The following ABLIM2 variants were observed in gnomAD, a reference collection of about 807,000 sequenced individuals.
The protein encoded by ABLIM2 is actin binding LIM protein family member 2.
Under a neutral mutation model 97.7 loss-of-function variants are expected in ABLIM2, and 53 were observed. The ratio of observed to expected loss-of-function variants is 0.54; its 90% confidence interval spans 0.44 to 0.68. ABLIM2 has a LOEUF of 0.68. Ranked by LOEUF, ABLIM2 falls within the 30% of genes least tolerant of loss-of-function variation. The pLI, the probability that ABLIM2 is intolerant of heterozygous loss-of-function variation, is 0.00. For synonymous variants in ABLIM2, 361 were observed against 345.8 expected, an observed-to-expected ratio of 1.04 and a Z score of -0.49; for missense variants, 835 against 867.2, an observed-to-expected ratio of 0.96 and a Z score of 0.47.
intron 20 of ABLIM2, among the ~76,000 whole-genome samples, chr4:7,976,841 A>G (rs1218299733): frequency 6.6e-6 from 1 of 152,166 alleles, no homozygotes; most frequent in Non-Finnish European, 1.5e-5. Flanking sequence ...ACACATGCAC[A>G]CACATATACA....
chr4:8,077,641 C>T lies in ABLIM2; in HGVS notation c.662G>A (p.Gly221Glu). Residue 221 changes from glycine to glutamate, a missense_variant, in exon 6 of 21, where the codon GGG (glycine) becomes GAG (glutamate). By Grantham distance (98) the Gly-to-Glu change is moderately conservative (BLOSUM62 -2). Coordinates refer to ENST00000447017, the MANE Select transcript of ABLIM2 (RefSeq NM_001130083.2). ...RCDSCEKYITGRVLEAGEKHY... is the reference protein window; with the variant it reads ...RCDSCEKYITERVLEAGEKHY... ...CGCCGCGCTTACCTCCAGCACGCGC[C>T]CCGTGATGTATTTCTCACAGCTGTC... 6.2e-7 allele frequency: 1 copy of T among 1,611,414 alleles called. No individual in the cohort carries two copies. The highest frequency in any genetic ancestry group is 8.5e-7 in the Non-Finnish European group (1 of 1,178,768).
rs144405092 is a variant in ABLIM2 at position 8,073,632 on chromosome 4, G to A, written c.675+3996C>T. Reference sequence around the variant, plus strand: ...TCGTCCCTGGGATGCATCACTGGCTGTAAATATCAGATATGATCGCCACCC... The same window carrying A: ...TCGTCCCTGGGATGCATCACTGGCTATAAATATCAGATATGATCGCCACCC... On this transcript the variant is annotated intron_variant, in intron 6 of 20. Transcript: ENST00000447017. Among the ~76,000 whole-genome samples, 148 of 152,224 alleles carry A rather than the reference G, an allele frequency of 9.7e-4. 3 individuals are homozygous for A. The East Asian group carries it at 0.025, about 26-fold the overall frequency.
rs1368830429 is a variant in ABLIM2 at position 8,122,325 on chromosome 4, G to A, written c.11-15688C>T. On this transcript the variant is annotated intron_variant, in intron 1 of 20. Transcript: ENST00000447017. The surrounding 1 kb of genome is among the most constrained non-coding windows in gnomAD (Gnocchi z 4.1). ...TCGGCTCCCATCCTCCATTTCCCAG[G>A]GGACACCCTCTGTCCTGGTCCATGT... Among the ~76,000 whole-genome samples the A allele has an allele frequency of 6.6e-6, 1 of 152,170 alleles. No homozygotes were observed. The highest frequency in any genetic ancestry group is 1.9e-4 in the East Asian group (1 of 5,190).
chr4:8,121,025 T>A (rs1387838123), intron 1 of ABLIM2, among the ~76,000 whole-genome samples: 5 of 152,196 alleles, frequency 3.3e-5, no homozygotes, highest in African/African-American at 1.2e-4. Flanking sequence ...GATAGTCCAA[T>A]CATGGTAAGT....
intron 3 of ABLIM2, among the ~76,000 whole-genome samples, 172 bp from the exon 4 acceptor site, chr4:8,088,456 C>T (rs1396558962): frequency 6.6e-6 from 1 of 152,176 alleles, no homozygotes; most frequent in Non-Finnish European, 1.5e-5. Context: ...TGCGTCCCCG[C>T]AATAGGACCT....
At chr4:7,997,717 C>G (rs1416162063) in intron 16 of ABLIM2, among the ~76,000 whole-genome samples, 3 of 152,096 alleles carry the variant, frequency 2.0e-5, no homozygotes, top group Non-Finnish European at 4.4e-5. Context: ...TGTGGGGTTG[C>G]TGCGTATTTC....
At chr4:8,007,163 G>C (rs748581250) in intron 16 of ABLIM2, 8 of 985,396 alleles carry the variant, frequency 8.1e-6, no homozygotes, top group Non-Finnish European at 9.6e-6. Context: ...TGAGGATGAG[G>C]ATGAGGATGA....
chr4:8,033,620 A>AG lies in ABLIM2; in HGVS notation c.1047+2528dup, dbSNP rs1177658539. The stretch of plus-strand genomic sequence containing the variant: ...AGGTGCCACTGTTTAGCAGAGCGGG[A>AG]GGCCAACCCAGGTCTCCCCAGAGGG... On this transcript the variant is annotated intron_variant, in intron 10 of 20. Coordinates refer to ENST00000447017, the MANE Select transcript of ABLIM2 (RefSeq NM_001130083.2). The surrounding 1 kb of genome is among the most constrained non-coding windows in gnomAD (Gnocchi z 4.5). Among the ~76,000 whole-genome samples, 1 of 152,188 alleles carries AG rather than the reference A, an allele frequency of 6.6e-6. No individual in the cohort carries two copies. The highest frequency in any genetic ancestry group is 1.5e-5 in the Non-Finnish European group (1 of 68,022).
At chr4:8,108,947 G>C (rs1053015593) in intron 1 of ABLIM2, among the ~76,000 whole-genome samples, 13 of 152,254 alleles carry the variant, frequency 8.5e-5, no homozygotes, top group African/African-American at 3.1e-4. Context: ...GGGACCCCAG[G>C]CACCAGGCCA....
intron 18 of ABLIM2, among the ~76,000 whole-genome samples, chr4:7,983,856 C>A (rs911489239): frequency 6.6e-6 from 1 of 152,198 alleles, no homozygotes; most frequent in African/African-American, 2.4e-5. Context: ...GTCTGGGCCA[C>A]CCTGAGAAAG....
At chr4:8,079,232 C>T (rs565987235) in intron 5 of ABLIM2, among the ~76,000 whole-genome samples, 2 of 152,288 alleles carry the variant, frequency 1.3e-5, no homozygotes, top group South Asian at 2.1e-4. Context: ...TCAGGACTCC[C>T]GTAATAACCC....
chr4:8,081,257 A>C (rs1819651505), intron 4 of ABLIM2, among the ~76,000 whole-genome samples: 1 of 151,790 alleles, frequency 6.6e-6, no homozygotes. Flanking sequence ...AGCCAAACCC[A>C]CCTTCTCTCT....
At chr4:8,151,552 C>G (rs1712767055) in intron 1 of ABLIM2, among the ~76,000 whole-genome samples, 1 of 152,220 alleles carries the variant, frequency 6.6e-6, no homozygotes, top group Non-Finnish European at 1.5e-5. Context: ...CTGGGAGCAT[C>G]TCGAGAGCCA....
chr4:8,061,157 A>G lies in ABLIM2; in HGVS notation c.676-103T>C. The G allele has an allele frequency of 1.0e-6, 1 of 961,592 alleles. No individual in the cohort carries two copies. 59.6% of individuals were successfully genotyped at this position (961,592 alleles called of 1,614,324 possible). ...CAGCATGCCCTGAGCACAGGTACTC[A>G]GGGGATACTGGAAGGGCCAGCCCCC... On this transcript the variant is annotated intron_variant, in intron 6 of 20. Transcript: ENST00000447017. This position sits in a 1 kb window ranked among gnomAD's most constrained non-coding sequence, Gnocchi z 4.5.
intron 1 of ABLIM2, among the ~76,000 whole-genome samples, chr4:8,154,987 C>T (rs1714832819): frequency 6.6e-6 from 1 of 152,228 alleles, no homozygotes; most frequent in Non-Finnish European, 1.5e-5. Context: ...CCAGCTATCG[C>T]CAGCCTTAAT....
At chr4:8,024,050 AC>A (rs1775724113) in intron 12 of ABLIM2, among the ~76,000 whole-genome samples, 1 of 152,104 alleles carries the variant, frequency 6.6e-6, no homozygotes, top group South Asian at 2.1e-4. Context: ...AGTTATGAGG[AC>A]CTTTTGCAGC....
rs1387731426 is a variant in ABLIM2, at chr4:8,131,890, TGCACAGCAGCCCGCATCTCCA to T, written c.11-25274_11-25254del. On this transcript the variant is annotated intron_variant, in intron 1 of 20. Transcript: ENST00000447017. ...CCCCTGCACAGCAGCCCGCATCCCC[TGCACAGCAGCCCGCATCTCCA>T]GCACAGCAGCCAGCATCCCCAGAAC... Among the ~76,000 whole-genome samples, 490 of 120,060 alleles carry T rather than the reference TGCACAGCAGCCCGCATCTCCA, an allele frequency of 4.1e-3. 5 individuals carry two copies. Among genetic ancestry groups the T allele is most frequent in the African/African-American group, 0.015 (447 of 30,288 alleles). 78.8% of individuals were successfully genotyped at this position (120,060 alleles called of 152,430 possible).
At position 8,021,132 on chromosome 4, in the gene ABLIM2, A is replaced by G. The variant is rs1428098116; in HGVS notation, c.1268-829T>C. On this transcript the variant is annotated intron_variant, in intron 12 of 20. Transcript: ENST00000447017. The surrounding 1 kb of genome is among the most constrained non-coding windows in gnomAD (Gnocchi z 5.5). ...CTACCTCCCAAGGTGCTGGGATTAC[A>G]GGCATGAGCCACCGCACCCTGGCCA... 6.6e-6 allele frequency among the ~76,000 whole-genome samples: 1 copy of G among 152,146 alleles called. No homozygotes were observed. The highest frequency in any genetic ancestry group is 1.9e-4 in the East Asian group (1 of 5,198).
At chr4:8,074,776 C>CTTTTTTTTTTTTTTTTTTTTTTTTTT (rs71175458) in intron 6 of ABLIM2, among the ~76,000 whole-genome samples, 1 of 105,048 alleles carries the variant, frequency 9.5e-6, no homozygotes. Context: ...CCTGGTAATT[C>CTTTTTTTTTTTTTTTTTTTTTTTTTT]TTTTTTTTTT....
Sources: gnomAD v4.1 joint callset for allele counts (sites outside exome capture counted in the v4.1 genomes callset) on GRCh38, gnomAD v4.1.1 for gene constraint, Gnocchi (gnomAD v3.1) non-coding constraint, MANE v1.5 for transcripts, NCBI Gene and HGNC (gene_info 2026-07-23, HGNC 2026-07-21) for gene names.